The following SLC7A14 variants were observed in gnomAD, a reference collection of about 807,000 sequenced individuals.
SLC7A14 encodes solute carrier family 7 member 14.
In SLC7A14, 37 loss-of-function variants were observed where a neutral mutation model predicts 60.2. That is an observed-to-expected ratio of 0.61 (90% CI 0.47 to 0.81). The LOEUF (loss-of-function observed/expected upper bound fraction) is 0.81. Ranked by LOEUF, SLC7A14 falls within the 30% of genes least tolerant of loss-of-function variation. The pLI is 0.00. For synonymous variants in SLC7A14, 399 were observed against 395.8 expected (o/e 1.01, Z -0.10); for missense variants, 886 against 982.7 (o/e 0.90, Z 1.32).
intron 3 of SLC7A14, 86 bp from the exon 4 acceptor site, chr3:170,498,970 T>A: frequency 1.5e-6 from 2 of 1,332,056 alleles, no homozygotes; most frequent in East Asian, 2.3e-5. Flanking sequence ...GCATCCGTAC[T>A]CAGCTTTAAG....
At chr3:170,489,476 G>A (rs888475903) in intron 4 of SLC7A14, among the ~76,000 whole-genome samples, 13 of 152,174 alleles carry the variant, frequency 8.5e-5, no homozygotes, top group African/African-American at 1.4e-4. Flanking sequence ...GGGAACACTC[G>A]TACACTGTTT....
chr3:170,495,598 G>C, intron 4 of SLC7A14: 1 of 775,930 alleles, frequency 1.3e-6, no homozygotes, highest in Non-Finnish European at 2.3e-6. Context: ...CTGGGCAGAG[G>C]CTATGGTGGG....
rs116399737 is a variant in SLC7A14 at position 170,468,488 on chromosome 3, G to T, written c.1994-1111C>A. Among the ~76,000 whole-genome samples, 401 of 152,188 alleles carry T rather than the reference G, an allele frequency of 2.6e-3. 2 individuals carry two copies. Among genetic ancestry groups the T allele is most frequent in the Non-Finnish European group, 4.0e-3 (275 of 68,004 alleles). On this transcript the variant is annotated intron_variant, in intron 7 of 7. Coordinates refer to ENST00000231706, the MANE Select transcript of SLC7A14 (RefSeq NM_020949.3). Reference sequence around the variant, plus strand: ...AATTTTTGTATTTTTGAGAGATGGAGTTTCACCATGTTGCCCAGGCTGGTC... The same window carrying T: ...AATTTTTGTATTTTTGAGAGATGGATTTTCACCATGTTGCCCAGGCTGGTC...
chr3:170,526,311 A>G (rs909050907), intron 2 of SLC7A14, among the ~76,000 whole-genome samples: 2 of 151,822 alleles, frequency 1.3e-5, no homozygotes, highest in Non-Finnish European at 2.9e-5. Flanking sequence ...CTGAAGCAGG[A>G]GAATTGCTTG....
At chr3:170,490,493 G>C (rs374585281) in intron 4 of SLC7A14, among the ~76,000 whole-genome samples, 3 of 152,338 alleles carry the variant, frequency 2.0e-5, no homozygotes, top group Non-Finnish European at 4.4e-5. Flanking sequence ...TTAGAAAAAG[G>C]TGAGAGGTTT....
chr3:170,497,087 C>CAAAAAAAAAAAAAAAAAAA (rs548290941), intron 4 of SLC7A14, among the ~76,000 whole-genome samples: 21 of 94,194 alleles, frequency 2.2e-4, no homozygotes, highest in South Asian at 4.0e-4. Flanking sequence ...TTATTTTGTC[C>CAAAAAAAAAAAAAAAAAAA]AAAAAAAAAA....
chr3:170,473,384 C>T (rs1711512100), intron 7 of SLC7A14, among the ~76,000 whole-genome samples: 2 of 152,202 alleles, frequency 1.3e-5, no homozygotes, highest in African/African-American at 4.8e-5. Flanking sequence ...ACCAGGTCCC[C>T]TATCTCCAGA....
rs1279966202 is a variant in SLC7A14 at position 170,480,394 on chromosome 3, G to C, written c.1888C>G (p.Pro630Ala). 9 of 1,612,210 alleles carry C rather than the reference G, an allele frequency of 5.6e-6. No individual in the cohort carries two copies. The highest frequency in any genetic ancestry group is 7.6e-6 in the Non-Finnish European group (9 of 1,178,750). ...AAGGCAGGCACAAAGGGGAGGCAAG[G>C]GGCCATGTAGGGCAGCTTCTTGGGG... ...ENPKKLPYMA[P>A]CLPFVPAFAM... Residue 630 changes from proline (P) to alanine (A), a missense_variant, in exon 7 of 8, where the codon CCT becomes GCT. By Grantham distance (27) the Pro-to-Ala change is conservative (BLOSUM62 -1). Transcript: ENST00000231706.
At chr3:170,468,139 C>T (rs937003143) in intron 7 of SLC7A14, among the ~76,000 whole-genome samples, 2 of 152,124 alleles carry the variant, frequency 1.3e-5, no homozygotes, top group Admixed American at 6.5e-5. Flanking sequence ...TCCTGATAAG[C>T]GTGAAATGTC....
chr3:170,483,649 C>A (rs769761687), intron 5 of SLC7A14, 127 bp from the exon 6 acceptor site: 3 of 962,744 alleles, frequency 3.1e-6, no homozygotes, highest in Non-Finnish European at 4.8e-6. Context: ...GATCCATTCA[C>A]TTGCTGGCAT....
At chr3:170,557,576 GA>G (rs1714521758) in intron 1 of SLC7A14, among the ~76,000 whole-genome samples, 1 of 152,186 alleles carries the variant, frequency 6.6e-6, no homozygotes. Flanking sequence ...GAAGTTGTAT[GA>G]CCTAGTGTAT....
chr3:170,469,768 T>C (rs1739832148), intron 7 of SLC7A14, among the ~76,000 whole-genome samples: 2 of 152,220 alleles, frequency 1.3e-5, no homozygotes, highest in South Asian at 2.1e-4. Context: ...ATTATGCCAA[T>C]TCTTTCCTTT....
intron 1 of SLC7A14, among the ~76,000 whole-genome samples, chr3:170,549,186 G>GAATCC (rs1000497935): frequency 2.6e-5 from 4 of 151,048 alleles, no homozygotes; most frequent in African/African-American, 7.3e-5. Flanking sequence ...AATACAGGCT[G>GAATCC]AATCCAGACT....
At chr3:170,577,529 A>G (rs543659997) in intron 1 of SLC7A14, among the ~76,000 whole-genome samples, 1 of 150,600 alleles carries the variant, frequency 6.6e-6, no homozygotes, top group East Asian at 2.0e-4. Context: ...GAGGCAGGAG[A>G]ATGGCGTGAA....
chr3:170,572,233 G>A (rs1010876113), intron 1 of SLC7A14, among the ~76,000 whole-genome samples: 1 of 152,158 alleles, frequency 6.6e-6, no homozygotes, highest in Admixed American at 6.5e-5. Context: ...GGATTGATCA[G>A]CTTCTGAGAG....
At chr3:170,483,964 G>T (rs922711344) in intron 5 of SLC7A14, among the ~76,000 whole-genome samples, 3 of 152,190 alleles carry the variant, frequency 2.0e-5, no homozygotes, top group African/African-American at 7.2e-5. Flanking sequence ...GTCCTACAGG[G>T]TTTTATCCGT....
chr3:170,498,272 A>G (rs1712472811), intron 4 of SLC7A14, among the ~76,000 whole-genome samples: 1 of 152,226 alleles, frequency 6.6e-6, no homozygotes, highest in Admixed American at 6.5e-5. Context: ...TGTGTTTAAC[A>G]GTAAGCCATT....
intron 6 of SLC7A14, among the ~76,000 whole-genome samples, chr3:170,482,858 G>A (rs1346695082): frequency 6.6e-6 from 1 of 151,800 alleles, no homozygotes; most frequent in African/African-American, 2.4e-5. Flanking sequence ...GGTGTTGCAG[G>A]TATTGTTAGG....
intron 5 of SLC7A14, among the ~76,000 whole-genome samples, chr3:170,484,566 G>A (rs1250759045): frequency 2.6e-5 from 4 of 152,220 alleles, no homozygotes; most frequent in African/African-American, 4.8e-5. Context: ...ACATCAAGAA[G>A]GGATTCAAAG....
Sources: allele counts gnomAD v4.1 joint callset (sites outside exome capture counted in the v4.1 genomes callset), GRCh38; gene constraint gnomAD v4.1.1; transcripts MANE v1.5; gene names NCBI Gene and HGNC (gene_info 2026-07-23, HGNC 2026-07-21).